The following DPP9 variants were observed in gnomAD, a reference collection of about 807,000 sequenced individuals.
DPP9 encodes the protein dipeptidyl peptidase IV-related protein-2.
DPP9 carries 50 observed loss-of-function variants against 110.7 expected under a neutral mutation model. The ratio of observed to expected loss-of-function variants is 0.45; its 90% CI spans 0.36 to 0.57. The LOEUF is 0.57. Among genes scored for constraint, DPP9 ranks in the 20% least tolerant of loss-of-function variants. The probability of loss-of-function intolerance (pLI) is 0.00; values close to 1 mark genes in which losing one functional copy is unlikely to be tolerated. For synonymous variants in DPP9, 561 were observed against 514.4 expected (o/e 1.09, Z -1.23); for missense variants, 1,022 against 1,217.9 (o/e 0.84, Z 2.39).
intron 13 of DPP9, among the ~76,000 whole-genome samples, chr19:4,692,936 A>G (rs916301280): frequency 2.0e-5 from 3 of 152,146 alleles, no homozygotes; most frequent in Admixed American, 2.0e-4. Context: ...GCCGGTCCGC[A>G]TCATACTCAG....
At position 4,689,819 on chromosome 19, in the gene DPP9, A is replaced by T. The variant is rs2091147841; in HGVS notation, c.1597-97T>A. Reference sequence around the variant, plus strand: ...CAGGAGTGGGCCCCATGTTCCTCGGACTGGGGACGCATGCTGTCCTCGCCC... The same window carrying T: ...CAGGAGTGGGCCCCATGTTCCTCGGTCTGGGGACGCATGCTGTCCTCGCCC... On this transcript the variant is annotated intron_variant, in intron 14 of 21. Coordinates refer to ENST00000262960, the MANE Select transcript of DPP9 (RefSeq NM_139159.5). The surrounding 1 kb of genome is among the most constrained non-coding windows in gnomAD (Gnocchi z 7.0). 12 of 1,316,448 alleles carry T rather than the reference A, an allele frequency of 9.1e-6. No homozygotes were observed. Among genetic ancestry groups the T allele is most frequent in the Non-Finnish European group, 1.2e-5 (12 of 980,042 alleles). 81.5% of individuals were successfully genotyped at this position (1,316,448 alleles called of 1,614,324 possible).
intron 4 of DPP9, among the ~76,000 whole-genome samples, chr19:4,708,575 T>C (rs948689062): frequency 1.3e-5 from 2 of 152,190 alleles, no homozygotes; most frequent in African/African-American, 2.4e-5. Flanking sequence ...GAAAATGTAG[T>C]ACATATACAC....
rs1376137687 is a variant in DPP9 at position 4,682,980 on chromosome 19, G to A, written c.2332-142C>T. 3 of 1,532,234 alleles carry A rather than the reference G, an allele frequency of 2.0e-6. No homozygotes were observed. The East Asian group carries it at 7.4e-5, about 38-fold the overall frequency. The allele number at this position is 1,532,234 out of a possible 1,614,324, so 94.9% of individuals were successfully genotyped here. On this transcript the variant is annotated intron_variant, in intron 19 of 21. Transcript: ENST00000262960. The surrounding 1 kb of genome is among the most constrained non-coding windows in gnomAD (Gnocchi z 7.1). ...TGCACATGGGGCCGGCAAGGAAGGG[G>A]CCCTCAGACCGCGTGGCCCCCGTGG...
intron 7 of DPP9, 96 bp from the exon 8 acceptor site, chr19:4,702,812 GAGA>G: frequency 9.7e-6 from 3 of 307,860 alleles, no homozygotes; most frequent in East Asian, 8.6e-5. Flanking sequence ...GAGAGGGAGA[GAGA>G]AGGAGGGAAG....
chr19:4,716,451 C>G (rs2093079982), intron 3 of DPP9, among the ~76,000 whole-genome samples: 1 of 152,098 alleles, frequency 6.6e-6, no homozygotes, highest in Non-Finnish European at 1.5e-5. Flanking sequence ...TCCTGGCTAA[C>G]ACGGTGAAAC....
chr19:4,679,797 GGCTCGCGGAGGGGCCGAA>G lies in DPP9; in HGVS notation c.2586+20_2586+37del, dbSNP rs1321714607. 6.8e-7 allele frequency: 1 copy of G among 1,473,350 alleles called. No homozygotes were observed. Among genetic ancestry groups the G allele is most frequent in the African/African-American group, 1.4e-5 (1 of 71,402 alleles). 91.3% of individuals were successfully genotyped at this position (1,473,350 alleles called of 1,614,324 possible). A position where few individuals can be genotyped will look rare whatever the true frequency, so the allele number is the denominator to read the frequency against. On this transcript the variant is annotated intron_variant, in intron 21 of 21. Transcript: ENST00000262960. ...CACCCCCCACTCCCAGGGATCTGTC[GGCTCGCGGAGGGGCCGAA>G]GCCCCCAACAGCCACCCACCTGGAG... is the stretch of plus-strand genomic sequence containing the variant.
chr19:4,689,561 C>A lies in DPP9; in HGVS notation c.1749+9G>T, dbSNP rs372150175. The A allele has an allele frequency of 5.2e-6, 8 of 1,552,296 alleles. No individual in the cohort carries two copies. Among genetic ancestry groups the A allele is most frequent in the Non-Finnish European group, 6.1e-6 (7 of 1,152,308 alleles). On this transcript the variant is annotated intron_variant, in intron 15 of 21. Transcript: ENST00000262960. The surrounding 1 kb of genome is among the most constrained non-coding windows in gnomAD (Gnocchi z 7.0). ...CACAGGGCGGTGCCGTGAGGCTGGGCGGTCCCACCTGGCTCATGGAGCAGC... is the reference window on the plus strand; with the variant it reads ...CACAGGGCGGTGCCGTGAGGCTGGGAGGTCCCACCTGGCTCATGGAGCAGC...
At position 4,679,888 on chromosome 19, in the gene DPP9, T is replaced by C; in HGVS notation, c.2533A>G (p.Thr845Ala). Reference protein sequence around the residue: ...FLDENVHFFHTNFLVSQLIRA... With the variant: ...FLDENVHFFHANFLVSQLIRA... ...ATCAGTTGGGAGACGAGGAAGTTTG[T>C]GTGGAAAAAGTGCACGTTTTCGTCC... is the stretch of plus-strand genomic sequence containing the variant. The change falls in exon 21 of 22, where the codon ACA (threonine) becomes GCA (alanine). Residue 845 changes from threonine to alanine, a missense_variant. By Grantham distance (58) the Thr-to-Ala change is moderately conservative (BLOSUM62 0). Around this residue, in one of 3 missense-constraint regions of DPP9, gnomAD observed 209 missense variants for 280.4 expected, o/e 0.75. Transcript: ENST00000262960. 1 of 1,613,530 alleles carries C rather than the reference T, an allele frequency of 6.2e-7. No homozygotes were observed. Among genetic ancestry groups the C allele is most frequent in the Non-Finnish European group, 8.5e-7 (1 of 1,179,798 alleles).
Position 4,687,885 on chromosome 19 carries a change from T to C in DPP9, c.1885+872A>G, listed in dbSNP as rs537853896. 1.3e-5 allele frequency among the ~76,000 whole-genome samples: 2 copies of C among 152,216 alleles called. No homozygotes were observed. The highest frequency in any genetic ancestry group is 3.9e-4 in the East Asian group (2 of 5,166). ...CGATCTCAGCTCACTGCAACCTCTG[T>C]GTCCTGGGCTCAGGCCATTCTCTTG... On this transcript the variant is annotated intron_variant, in intron 16 of 21. Transcript: ENST00000262960. This position sits in a 1 kb window ranked among gnomAD's most constrained non-coding sequence, Gnocchi z 4.7.
chr19:4,695,243 C>T lies in DPP9; in HGVS notation c.1353+135G>A. The T allele has an allele frequency of 9.9e-7, 1 of 1,010,314 alleles. No individual in the cohort carries two copies. Among genetic ancestry groups the T allele is most frequent in the Admixed American group, 3.1e-5 (1 of 32,192 alleles). The allele number at this position is 1,010,314 out of a possible 1,614,324, so 62.6% of individuals were successfully genotyped here. A position where few individuals can be genotyped will look rare whatever the true frequency, so the allele number is the denominator to read the frequency against. Reference sequence around the variant, plus strand: ...CTCTTCCCTGCCAGCCAGGGATGGCCAAGGCCTGAGCTCACTTCTCCACAC... The same window carrying T: ...CTCTTCCCTGCCAGCCAGGGATGGCTAAGGCCTGAGCTCACTTCTCCACAC... On this transcript the variant is annotated intron_variant, in intron 12 of 21. Transcript: ENST00000262960. This position sits in a 1 kb window ranked among gnomAD's most constrained non-coding sequence, Gnocchi z 4.7.
Position 4,714,338 on chromosome 19 carries a change from C to G in DPP9, c.57-1G>C. On this transcript the variant is annotated splice_acceptor_variant, in intron 3 of 21. Coordinates refer to ENST00000262960, the MANE Select transcript of DPP9 (RefSeq NM_139159.5). LOFTEE classifies it high-confidence loss of function. ...AGCCCCCTCGGAATTCAGCGAGAAG[C>G]TGCGGGGAGGAAGCAAAGACTATGA... is the stretch of plus-strand genomic sequence containing the variant. The G allele has an allele frequency of 1.3e-6, 2 of 1,492,492 alleles. No individual in the cohort carries two copies. Among genetic ancestry groups the G allele is most frequent in the Non-Finnish European group, 1.8e-6 (2 of 1,122,336 alleles). The allele number at this position is 1,492,492 out of a possible 1,614,324, so 92.5% of individuals were successfully genotyped here. A position where few individuals can be genotyped will look rare whatever the true frequency, so the allele number is the denominator to read the frequency against.
rs922669391 is a variant in DPP9 at position 4,693,463 on chromosome 19, A to G, written c.1516+1198T>C. 1.3e-5 allele frequency among the ~76,000 whole-genome samples: 2 copies of G among 151,968 alleles called. No homozygotes were observed. Among genetic ancestry groups the G allele is most frequent in the Non-Finnish European group, 2.9e-5 (2 of 67,974 alleles). Reference sequence around the variant, plus strand: ...TGAACACATCCAAACCCGACTCTGGATTTTTTCTCTCCTAGAACAGTCCCT... The same window carrying G: ...TGAACACATCCAAACCCGACTCTGGGTTTTTTCTCTCCTAGAACAGTCCCT... On this transcript the variant is annotated intron_variant, in intron 13 of 21. Transcript: ENST00000262960. This position sits in a 1 kb window ranked among gnomAD's most constrained non-coding sequence, Gnocchi z 5.0.
intron 11 of DPP9, among the ~76,000 whole-genome samples, chr19:4,697,098 C>CA (rs991000616): frequency 0.021 from 2,837 of 137,718 alleles, 79 homozygotes; most frequent in African/African-American, 0.067. Flanking sequence ...GACTCCATCT[C>CA]AAAAAAAAAA....
At chr19:4,678,532 C>T (rs955983613) in intron 21 of DPP9, among the ~76,000 whole-genome samples, 11 of 152,188 alleles carry the variant, frequency 7.2e-5, no homozygotes, top group African/African-American at 1.4e-4. Context: ...AGCTACCTGG[C>T]CCCTGGGAAG....
In DPP9 at chr19:4,714,142, G is replaced by C; in HGVS notation, c.252C>G (p.Asp84Glu). Residue 84 changes from aspartate (D) to glutamate (E), a missense_variant, in exon 4 of 22, where the codon GAC becomes GAG. By Grantham distance (45) the Asp-to-Glu change is conservative. This residue lies in a region of DPP9 where 810 missense variants were observed against 920.6 expected (regional missense o/e 0.88). Coordinates refer to ENST00000262960, the MANE Select transcript of DPP9 (RefSeq NM_139159.5). ...CATCCGTCTTCTGCACAAACTGGAAGTCGTGGGGCGCCTTGTTGACAATGA... is the reference window on the plus strand; with the variant it reads ...CATCCGTCTTCTGCACAAACTGGAACTCGTGGGGCGCCTTGTTGACAATGA... ...SGLIVNKAPH[D>E]FQFVQKTDES... 1 of 1,613,516 alleles carries C rather than the reference G, an allele frequency of 6.2e-7. No individual in the cohort carries two copies.
At chr19:4,702,757 CCTG>C in intron 7 of DPP9, 41 bp from the exon 8 acceptor site, 1 of 1,347,666 alleles carries the variant, frequency 7.4e-7, no homozygotes, top group Non-Finnish European at 1.0e-6. Context: ...GGGTGAGCAG[CCTG>C]CTAACACTGG....
Position 4,689,463 on chromosome 19 carries a change from G to A in DPP9, c.1749+107C>T, listed in dbSNP as rs2091110819. 1.2e-5 allele frequency: 17 copies of A among 1,394,328 alleles called. No individual in the cohort carries two copies. The highest frequency in any genetic ancestry group is 2.6e-5 in the Admixed American group (1 of 39,124). 86.4% of individuals were successfully genotyped at this position (1,394,328 alleles called of 1,614,324 possible). A position where few individuals can be genotyped will look rare whatever the true frequency, so the allele number is the denominator to read the frequency against. On this transcript the variant is annotated intron_variant, in intron 15 of 21. Coordinates refer to ENST00000262960, the MANE Select transcript of DPP9 (RefSeq NM_139159.5). The surrounding 1 kb of genome is among the most constrained non-coding windows in gnomAD (Gnocchi z 7.0). ...TGCCCCAAGGCAGCTATGAGAATGC[G>A]AGACCATGAGAATGACCCTGAGTGC...
Position 4,704,330 on chromosome 19 carries a change from C to A in DPP9, c.427-26G>T, listed in dbSNP as rs755038511. 6.9e-6 allele frequency: 11 copies of A among 1,591,532 alleles called. No individual in the cohort carries two copies. Among genetic ancestry groups the A allele is most frequent in the Non-Finnish European group, 8.6e-6 (10 of 1,167,234 alleles). ...CTGGAAACATACAGGGGACAGGGGG[C>A]AGCGTCAGTGGGCAAAGAGGATCTC... is the stretch of plus-strand genomic sequence containing the variant. On this transcript the variant is annotated intron_variant, in intron 5 of 21. Coordinates refer to ENST00000262960, the MANE Select transcript of DPP9 (RefSeq NM_139159.5). The surrounding 1 kb of genome is among the most constrained non-coding windows in gnomAD (Gnocchi z 6.0).
intron 7 of DPP9, 112 bp downstream of exon 7, chr19:4,703,774 G>A: frequency 8.6e-7 from 1 of 1,157,580 alleles, no homozygotes. Context: ...TGCACGGGAG[G>A]GTGGCTTGTG....
Sources: gnomAD v4.1 joint callset for allele counts (sites outside exome capture counted in the v4.1 genomes callset) on GRCh38, gnomAD v4.1.1 for gene constraint, gnomAD v4.1.1 regional missense constraint, Gnocchi (gnomAD v3.1) non-coding constraint, MANE v1.5 for transcripts, NCBI Gene and HGNC (gene_info 2026-07-23, HGNC 2026-07-21) for gene names.